SPIN1: variants seen among roughly 807,000 people sequenced by gnomAD.
The protein encoded by SPIN1 is spindlin 1, also known as spindlin-1.
Under a neutral mutation model 26.0 loss-of-function variants are expected in SPIN1, and 3 were observed. The ratio of observed to expected loss-of-function variants is 0.12; its 90% CI spans 0.05 to 0.30. The LOEUF is 0.30. SPIN1 is among the 10% of genes least tolerant of loss of function. SPIN1 has a pLI of 1.00. For synonymous variants in SPIN1, 101 were observed against 116.5 expected (o/e 0.87, Z 0.86); for missense variants, 126 against 333.4 (o/e 0.38, Z 4.84).
At chr9:88,395,405 A>G (rs995514696) in intron 1 of SPIN1, among the ~76,000 whole-genome samples, 1 of 152,024 alleles carries the variant, frequency 6.6e-6, no homozygotes, top group Admixed American at 6.6e-5. Flanking sequence ...AGAGCGCTTC[A>G]TTGAAGTGCG....
intron 2 of SPIN1, among the ~76,000 whole-genome samples, chr9:88,432,214 A>G (rs1311869687): frequency 5.5e-5 from 5 of 90,732 alleles, no homozygotes; most frequent in Non-Finnish European, 6.0e-5. Context: ...TTTTTGAGAC[A>G]GAGTCTTGCT....
chr9:88,424,945 A>G (rs1332573795), intron 1 of SPIN1, among the ~76,000 whole-genome samples: 2 of 152,246 alleles, frequency 1.3e-5, no homozygotes, highest in African/African-American at 4.8e-5. Flanking sequence ...ATTCACAGGT[A>G]GAAAAGTAAC....
chr9:88,410,866 C>A (rs1183948), intron 1 of SPIN1: 10,449 of 939,882 alleles, frequency 0.011, 79 homozygotes, highest in Non-Finnish European at 0.015. Context: ...ACCACGTTTC[C>A]AGAATCACTT....
At chr9:88,410,968 C>T in intron 1 of SPIN1, 1 of 1,317,428 alleles carries the variant, frequency 7.6e-7, no homozygotes. Context: ...TATGATATTT[C>T]TGAATGACAG....
intron 2 of SPIN1, among the ~76,000 whole-genome samples, chr9:88,435,556 C>T (rs1312038000): frequency 6.6e-6 from 1 of 152,098 alleles, no homozygotes; most frequent in Admixed American, 6.6e-5. Flanking sequence ...GTGGTTTTGT[C>T]TGTCTTGTGG....
intron 1 of SPIN1, among the ~76,000 whole-genome samples, chr9:88,425,054 A>G (rs1313510237): frequency 6.6e-6 from 1 of 152,116 alleles, no homozygotes; most frequent in African/African-American, 2.4e-5. Flanking sequence ...GACAAATGCA[A>G]ACCATCTTTT....
chr9:88,468,739 C>G (rs1828719782), intron 5 of SPIN1, 134 bp downstream of exon 5: 2 of 505,568 alleles, frequency 4.0e-6, no homozygotes, highest in South Asian at 8.2e-5. Flanking sequence ...TGCACAAACA[C>G]AGCCTTTGAA....
chr9:88,448,222 T>C (rs1828289326), intron 2 of SPIN1, among the ~76,000 whole-genome samples: 1 of 152,064 alleles, frequency 6.6e-6, no homozygotes, highest in Admixed American at 6.5e-5. Flanking sequence ...TTTTGTATTT[T>C]TAGGAGAGAC....
At chr9:88,431,133 C>T (rs1827860902) in intron 2 of SPIN1, among the ~76,000 whole-genome samples, 1 of 152,036 alleles carries the variant, frequency 6.6e-6, no homozygotes, top group Admixed American at 6.5e-5. Context: ...GATCTGCCCG[C>T]CTCGGCCTCC....
intron 2 of SPIN1, among the ~76,000 whole-genome samples, chr9:88,436,746 C>G (rs1001608529): frequency 1.4e-5 from 2 of 146,808 alleles, no homozygotes; most frequent in Non-Finnish European, 3.0e-5. Context: ...CATAAATTTC[C>G]TCTGTGTCTT....
intron 3 of SPIN1, among the ~76,000 whole-genome samples, chr9:88,449,547 T>G (rs918104429): frequency 5.3e-5 from 8 of 152,234 alleles, no homozygotes; most frequent in Admixed American, 1.3e-4. Context: ...TCCTAAATTC[T>G]GTAGATACCA....
At chr9:88,406,292 A>AC (rs1247352508) in intron 1 of SPIN1, among the ~76,000 whole-genome samples, 1 of 135,428 alleles carries the variant, frequency 7.4e-6, no homozygotes, top group East Asian at 2.1e-4. Context: ...ATATACTAGA[A>AC]TTTTTTTTTT....
At chr9:88,453,946 A>G (rs62580713) in intron 3 of SPIN1, among the ~76,000 whole-genome samples, 197 of 152,380 alleles carry the variant, frequency 1.3e-3, no homozygotes, top group Non-Finnish European at 2.2e-3. Flanking sequence ...AATTCAAACT[A>G]CAAGAAAAGT....
chr9:88,436,463 T>C (rs1587797532), intron 2 of SPIN1, among the ~76,000 whole-genome samples: 1 of 152,094 alleles, frequency 6.6e-6, no homozygotes, highest in East Asian at 1.9e-4. Context: ...TCTCACAGTG[T>C]GGTACATTTG....
intron 3 of SPIN1, among the ~76,000 whole-genome samples, chr9:88,453,006 T>A (rs1189250905): frequency 2.0e-5 from 3 of 152,106 alleles, no homozygotes; most frequent in Non-Finnish European, 4.4e-5. Context: ...GTATGATGTC[T>A]GTAAATGTTG....
chr9:88,394,418 A>G (rs769349926), intron 1 of SPIN1, among the ~76,000 whole-genome samples: 11 of 152,230 alleles, frequency 7.2e-5, no homozygotes, highest in Non-Finnish European at 1.6e-4. Context: ...TAGAATGCCC[A>G]TGCTTTTATT....
intron 1 of SPIN1, among the ~76,000 whole-genome samples, chr9:88,399,414 G>A (rs1275573925): frequency 6.6e-6 from 1 of 152,210 alleles, no homozygotes; most frequent in East Asian, 1.9e-4. Context: ...GAGAAAGGAA[G>A]ATGGATGTAA....
At chr9:88,399,268 G>A (rs1827137492) in intron 1 of SPIN1, among the ~76,000 whole-genome samples, 3 of 151,602 alleles carry the variant, frequency 2.0e-5, no homozygotes, top group Admixed American at 2.0e-4. Flanking sequence ...TCCTGACCTC[G>A]TGATCCACCC....
intron 2 of SPIN1, among the ~76,000 whole-genome samples, chr9:88,429,126 CA>C: frequency 1.3e-5 from 2 of 152,286 alleles, no homozygotes; most frequent in East Asian, 3.9e-4. Flanking sequence ...CTCAGCCTCC[CA>C]TAGTGTTGGG....
Sources: allele counts gnomAD v4.1 joint callset (sites outside exome capture counted in the v4.1 genomes callset), GRCh38; gene constraint gnomAD v4.1.1; transcripts MANE v1.5; gene names NCBI Gene and HGNC (gene_info 2026-07-23, HGNC 2026-07-21).